Variants in HTR3B observed in about 807,000 individuals in gnomAD.
The protein encoded by HTR3B is 5-hydroxytryptamine receptor 3B, also known as 5-hydroxytryptamine (serotonin) receptor 3B, ionotropic.
A neutral mutation model predicts 42.8 loss-of-function variants in HTR3B; 44 were observed. The observed-to-expected ratio is 1.03, with a 90% CI of 0.81 to 1.32. The LOEUF is 1.32. Among genes scored for constraint, HTR3B ranks in the 40% most tolerant of loss-of-function variants. The probability of loss-of-function intolerance (pLI) is 0.00; values close to 1 mark genes in which losing one functional copy is unlikely to be tolerated. For missense variants in HTR3B, 527 were observed against 536.5 expected, an observed-to-expected ratio of 0.98 and a Z score of 0.17; for synonymous variants, 203 against 209.0, an observed-to-expected ratio of 0.97 and a Z score of 0.25.
rs1950183361 is a variant in HTR3B at position 113,946,634 on chromosome 11, A to C, written c.*497A>C. 6.5e-6 allele frequency: 1 copy of C among 152,886 alleles called. No homozygotes were observed. The highest frequency in any genetic ancestry group is 1.5e-5 in the Non-Finnish European group (1 of 68,448). The allele number at this position is 152,886 out of a possible 1,614,324, so 9.5% of individuals were successfully genotyped here. A position where few individuals can be genotyped will look rare whatever the true frequency, so the allele number is the denominator to read the frequency against. On this transcript the variant is annotated 3_prime_UTR_variant, in exon 9 of 9. Coordinates refer to ENST00000260191, the MANE Select transcript of HTR3B (RefSeq NM_006028.5). ...TGACCCAAGGATCATATGTTCATGA[A>C]AATGTATAAACAGTATGAGTATACA... is the stretch of plus-strand genomic sequence containing the variant.
In HTR3B at chr11:113,933,001, T is replaced by C. The variant is rs751239646; in HGVS notation, c.604T>C (p.Leu202=). The C allele has an allele frequency of 3.1e-6, 5 of 1,614,166 alleles. No individual in the cohort carries two copies. The highest frequency in any genetic ancestry group is 2.2e-5 in the East Asian group (1 of 44,884). ...CATTCAGCATGACAAAAAGGCGTTTTTGAATGACAGTGAGTGGGAACTTCT... is the reference window on the plus strand; with the variant it reads ...CATTCAGCATGACAAAAAGGCGTTTCTGAATGACAGTGAGTGGGAACTTCT... The part of the protein sequence containing the change: ...EDIQHDKKAF[L]NDSEWELLSV... Residue 202 remains leucine, a synonymous_variant, in exon 6 of 9, where the codon TTG becomes CTG. Transcript: ENST00000260191.
chr11:113,901,816 T>A (rs1477057428), upstream of HTR3B, among the ~76,000 whole-genome samples: 1 of 152,138 alleles, frequency 6.6e-6, no homozygotes. Context: ...TGACTTAGAG[T>A]CATAGCTTAC....
chr11:113,904,665 G>T, upstream of HTR3B: 1 of 399,412 alleles, frequency 2.5e-6, no homozygotes, highest in Non-Finnish European at 4.6e-6. Context: ...CAGGAAAATG[G>T]AAATGTTGGC....
chr11:113,926,007 A>C (rs1949967623), intron 2 of HTR3B, among the ~76,000 whole-genome samples: 1 of 152,172 alleles, frequency 6.6e-6, no homozygotes, highest in Non-Finnish European at 1.5e-5. Context: ...CCCTATATCC[A>C]TTAGCAGTCA....
At chr11:113,919,240 CTT>C (rs1176683815) in intron 2 of HTR3B, among the ~76,000 whole-genome samples, 1 of 152,128 alleles carries the variant, frequency 6.6e-6, no homozygotes, top group Non-Finnish European at 1.5e-5. Context: ...TATTTTGACA[CTT>C]CACATAAAAT....
At position 113,948,588 on chromosome 11, in the gene HTR3B, G is replaced by A. The variant is rs917882084; in HGVS notation, c.*2451G>A. ...AATGCTTTGAAAAGTAAATAATGGG[G>A]CGTGGTGGCTCACGCCTATAATCCC... is the stretch of plus-strand genomic sequence containing the variant. On this transcript the variant is annotated 3_prime_UTR_variant, in exon 9 of 9. Transcript: ENST00000260191. Among the ~76,000 whole-genome samples the A allele has an allele frequency of 6.6e-6, 1 of 152,252 alleles. No individual in the cohort carries two copies. The highest frequency in any genetic ancestry group is 6.5e-5 in the Admixed American group (1 of 15,292).
chr11:113,935,563 G>A (rs552984404), intron 6 of HTR3B, among the ~76,000 whole-genome samples: 3 of 150,766 alleles, frequency 2.0e-5, no homozygotes, highest in Admixed American at 6.6e-5. Flanking sequence ...TCCCAACCTC[G>A]CTCAGCCTCC....
chr11:113,922,439 G>A (rs2137506589), intron 2 of HTR3B, among the ~76,000 whole-genome samples: 1 of 152,158 alleles, frequency 6.6e-6, no homozygotes, highest in South Asian at 2.1e-4. Flanking sequence ...TCGCCATGTT[G>A]CCCAGGCTGG....
At chr11:113,909,562 T>C in intron 2 of HTR3B, 107 bp downstream of exon 2, 1 of 901,254 alleles carries the variant, frequency 1.1e-6, no homozygotes, top group South Asian at 1.8e-5. Flanking sequence ...GTAGTTGAAC[T>C]GGCAGGGAAG....
intron 2 of HTR3B, among the ~76,000 whole-genome samples, chr11:113,912,594 G>A (rs989014658): frequency 6.6e-6 from 1 of 152,178 alleles, no homozygotes; most frequent in Admixed American, 6.5e-5. Flanking sequence ...GGTCACAGGA[G>A]GGTGTATACT....
At chr11:113,917,952 C>T (rs927890381) in intron 2 of HTR3B, among the ~76,000 whole-genome samples, 2 of 152,170 alleles carry the variant, frequency 1.3e-5, no homozygotes, top group Non-Finnish European at 1.5e-5. Flanking sequence ...AAACGCTCCA[C>T]TTCATCTCTG....
chr11:113,933,009 C>A lies in HTR3B; in HGVS notation c.612C>A (p.Asp204Glu). 6.2e-7 allele frequency: 1 copy of A among 1,614,140 alleles called. No homozygotes were observed. The highest frequency in any genetic ancestry group is 8.5e-7 in the Non-Finnish European group (1 of 1,179,988). Reference sequence around the variant, plus strand: ...ATGACAAAAAGGCGTTTTTGAATGACAGTGAGTGGGAACTTCTATCTGTGT... The same window carrying A: ...ATGACAAAAAGGCGTTTTTGAATGAAAGTGAGTGGGAACTTCTATCTGTGT... Reference protein sequence around the residue: ...IQHDKKAFLNDSEWELLSVSS... With the variant: ...IQHDKKAFLNESEWELLSVSS... Residue 204 changes from aspartate to glutamate, a missense_variant, in exon 6 of 9, where the codon GAC (aspartate) becomes GAA (glutamate). Transcript: ENST00000260191.
intron 2 of HTR3B, among the ~76,000 whole-genome samples, chr11:113,919,769 G>A (rs929720571): frequency 6.6e-5 from 10 of 151,492 alleles, no homozygotes; most frequent in Admixed American, 1.3e-4. Context: ...CGGAGGTTGC[G>A]GTGAGCCGAG....
chr11:113,901,018 A>T (rs1949693760), upstream of HTR3B, among the ~76,000 whole-genome samples: 1 of 152,128 alleles, frequency 6.6e-6, no homozygotes, highest in South Asian at 2.1e-4. Context: ...GAAATTTGAG[A>T]TGAGATTTGG....
At chr11:113,912,735 A>C (rs1484276499) in intron 2 of HTR3B, among the ~76,000 whole-genome samples, 1 of 152,130 alleles carries the variant, frequency 6.6e-6, no homozygotes, top group African/African-American at 2.4e-5. Flanking sequence ...AATTTTAGTC[A>C]TTCTAGTAAG....
At chr11:113,933,545 A>G (rs1305068497) in intron 6 of HTR3B, among the ~76,000 whole-genome samples, 2 of 152,188 alleles carry the variant, frequency 1.3e-5, no homozygotes, top group Non-Finnish European at 2.9e-5. Flanking sequence ...ATACGATAAT[A>G]TTATTAACTT....
chr11:113,935,019 C>G (rs1395975619), intron 6 of HTR3B, among the ~76,000 whole-genome samples: 1 of 151,960 alleles, frequency 6.6e-6, no homozygotes, highest in African/African-American at 2.4e-5. Flanking sequence ...AGGGCGTGTG[C>G]TTGCATACAC....
At chr11:113,924,229 G>C (rs1468979312) in intron 2 of HTR3B, among the ~76,000 whole-genome samples, 1 of 152,064 alleles carries the variant, frequency 6.6e-6, no homozygotes, top group Admixed American at 6.6e-5. Flanking sequence ...CTATTTGTGG[G>C]GAACCTCATT....
upstream of HTR3B, among the ~76,000 whole-genome samples, chr11:113,901,974 C>T (rs1362955067): frequency 6.6e-6 from 1 of 152,156 alleles, no homozygotes; most frequent in Non-Finnish European, 1.5e-5. Flanking sequence ...TAATTCATCC[C>T]ATAAGTAGAA....
Sources: gnomAD v4.1 joint callset for allele counts (sites outside exome capture counted in the v4.1 genomes callset) on GRCh38, gnomAD v4.1.1 for gene constraint, MANE v1.5 for transcripts, NCBI Gene and HGNC (gene_info 2026-07-23, HGNC 2026-07-21) for gene names.